The following TMEM120B variants were observed in gnomAD, a reference collection of about 807,000 sequenced individuals.
The protein encoded by TMEM120B is transmembrane protein 120B.
A neutral mutation model predicts 55.5 loss-of-function variants in TMEM120B; 31 were observed. The observed-to-expected ratio is 0.56, with a 90% CI of 0.42 to 0.75. TMEM120B has a LOEUF of 0.75. Ranked by LOEUF, TMEM120B falls within the 30% of genes least tolerant of loss-of-function variation. TMEM120B has a pLI of 0.00. For synonymous variants in TMEM120B, 203 were observed against 176.3 expected, an observed-to-expected ratio of 1.15 and a Z score of -1.20; for missense variants, 399 against 425.5, an observed-to-expected ratio of 0.94 and a Z score of 0.55.
intron 1 of TMEM120B, among the ~76,000 whole-genome samples, chr12:121,719,019 C>T (rs1403278027): frequency 6.6e-6 from 1 of 152,132 alleles, no homozygotes; most frequent in African/African-American, 2.4e-5. Context: ...AACAGAGCAT[C>T]CTTTCCCCCT....
chr12:121,771,658 AC>A, intron 8 of TMEM120B, 109 bp downstream of exon 8: 1 of 1,162,192 alleles, frequency 8.6e-7, no homozygotes, highest in Non-Finnish European at 1.3e-6. Context: ...TGGCAGGGAG[AC>A]CAGACTGGGG....
At chr12:121,730,273 G>GA (rs1894975147) in intron 1 of TMEM120B, among the ~76,000 whole-genome samples, 1 of 147,126 alleles carries the variant, frequency 6.8e-6, no homozygotes, top group Non-Finnish European at 1.5e-5. Flanking sequence ...AAAAAAAAAA[G>GA]AAGGAAATTC....
intron 1 of TMEM120B, among the ~76,000 whole-genome samples, chr12:121,718,535 T>C (rs1894742516): frequency 6.6e-6 from 1 of 152,028 alleles, no homozygotes; most frequent in Non-Finnish European, 1.5e-5. Context: ...AATGAATGAA[T>C]GACAACCCTG....
chr12:121,748,538 A>T, intron 3 of TMEM120B, 96 bp downstream of exon 3: 1 of 803,232 alleles, frequency 1.2e-6, no homozygotes, highest in Admixed American at 2.5e-5. Context: ...TGGTGCTCAG[A>T]TTGAAGGGGA....
intron 1 of TMEM120B, among the ~76,000 whole-genome samples, chr12:121,718,894 GTC>G (rs959305552): frequency 3.3e-5 from 5 of 151,912 alleles, no homozygotes; most frequent in African/African-American, 1.2e-4. Flanking sequence ...GTGTGTGGAT[GTC>G]TCTCTCTCTC....
chr12:121,758,041 C>T, intron 5 of TMEM120B: 1 of 412,948 alleles, frequency 2.4e-6, no homozygotes. Flanking sequence ...ATCGCTTGAG[C>T]CCAGGAGATT....
rs751392749 is a variant in TMEM120B, at chr12:121,781,064, C to G, written c.*5342C>G. The G allele has an allele frequency of 1.2e-6, 2 of 1,613,962 alleles. No homozygotes were observed. Among genetic ancestry groups the G allele is most frequent in the Admixed American group, 3.3e-5 (2 of 60,028 alleles). ...GCCGGGCCCAGATGTGGGGCCACCA[C>G]CCAGGAGGCCGGCCTCACCTTGATG... On this transcript the variant is annotated 3_prime_UTR_variant, in exon 12 of 12. Transcript: ENST00000449592.
At chr12:121,742,855 G>A (rs575922887) in intron 1 of TMEM120B, among the ~76,000 whole-genome samples, 22 of 152,334 alleles carry the variant, frequency 1.4e-4, no homozygotes, top group Non-Finnish European at 1.8e-4. Flanking sequence ...GATTACAGGC[G>A]TGAGCCAGCG....
intron 1 of TMEM120B, among the ~76,000 whole-genome samples, chr12:121,729,935 C>T (rs1005341654): frequency 3.9e-5 from 6 of 151,962 alleles, no homozygotes; most frequent in Admixed American, 1.3e-4. Context: ...AAATGTGGCT[C>T]GTCCATATAG....
chr12:121,779,066 C>T lies in TMEM120B; in HGVS notation c.*3344C>T. 1 of 175,928 alleles carries T rather than the reference C, an allele frequency of 5.7e-6. No individual in the cohort carries two copies. The highest frequency in any genetic ancestry group is 1.2e-5 in the Non-Finnish European group (1 of 81,164). The allele number at this position is 175,928 out of a possible 1,614,324, so 10.9% of individuals were successfully genotyped here. On this transcript the variant is annotated 3_prime_UTR_variant, in exon 12 of 12. Coordinates refer to ENST00000449592, the MANE Select transcript of TMEM120B (RefSeq NM_001080825.2). ...GAAGGAAGGAAGGAGCTGGAGGATA[C>T]AGTGGTGCCTATCTCGGGAGCCCAG...
At chr12:121,773,626 C>A (rs1874137083) in intron 9 of TMEM120B, 113 bp downstream of exon 9, 1 of 772,674 alleles carries the variant, frequency 1.3e-6, no homozygotes. Context: ...GGCCGCTGCC[C>A]TTTATCCGAA....
rs77853218 is a variant in TMEM120B at position 121,758,840 on chromosome 12, T to C, written c.462-2809T>C. The C allele has an allele frequency of 0.019, 16,645 of 860,956 alleles. 1,439 individuals carry two copies. The African/African-American group carries it at 0.2, about 10-fold the overall frequency. 53.3% of individuals were successfully genotyped at this position (860,956 alleles called of 1,614,324 possible). ...TGGAGGAGGACGGCCTAGCTCCACG[T>C]TGTGGTCACCATAGAGGAGGACGGC... On this transcript the variant is annotated intron_variant, in intron 5 of 11. Coordinates refer to ENST00000449592, the MANE Select transcript of TMEM120B (RefSeq NM_001080825.2).
intron 6 of TMEM120B, among the ~76,000 whole-genome samples, chr12:121,768,368 C>T (rs1873914446): frequency 6.6e-6 from 1 of 152,220 alleles, no homozygotes; most frequent in South Asian, 2.1e-4. Context: ...AACCTTGCCC[C>T]TCAGCATAAC....
Position 121,775,631 on chromosome 12 carries a change from TC to T in TMEM120B, c.931del (p.Leu311SerfsTer9), listed in dbSNP as rs759974622. On this transcript the variant is annotated frameshift_variant, in exon 12 of 12. Coordinates refer to ENST00000449592, the MANE Select transcript of TMEM120B (RefSeq NM_001080825.2). LOFTEE classifies it high-confidence loss of function. The surrounding 1 kb of genome is among the most constrained non-coding windows in gnomAD (Gnocchi z 4.3). ...EWQVFVLAFT[F>X]LILFLGNFLT... ...CAGGTGTTCGTACTGGCGTTCACCT[TC>T]CTCATCCTCTTCCTCGGCAACTTCC... is the stretch of plus-strand genomic sequence containing the variant. 2.4e-5 allele frequency: 38 copies of T among 1,613,834 alleles called. No individual in the cohort carries two copies. The highest frequency in any genetic ancestry group is 3.1e-5 in the Non-Finnish European group (37 of 1,179,944).
rs1413395058 is a variant in TMEM120B, at chr12:121,743,456, G to A, written c.70-173G>A. Among the ~76,000 whole-genome samples the A allele has an allele frequency of 5.3e-5, 8 of 151,760 alleles. 1 individual carries two copies. The highest frequency in any genetic ancestry group is 5.3e-4 in the Admixed American group (8 of 15,196). On this transcript the variant is annotated intron_variant, in intron 1 of 11. Transcript: ENST00000449592. ...ACCTGTAGTCCCAGCTACTTGGGAG[G>A]CTGAGGCAGGAGAATCGCTTGAACC...
At chr12:121,763,568 G>A (rs1366653953) in intron 6 of TMEM120B, among the ~76,000 whole-genome samples, 1 of 151,990 alleles carries the variant, frequency 6.6e-6, no homozygotes, top group Admixed American at 6.6e-5. Context: ...TCAGCCTCCC[G>A]AGTAGCTAGG....
At chr12:121,750,519 G>A in intron 4 of TMEM120B, 80 bp downstream of exon 4, 1 of 973,160 alleles carries the variant, frequency 1.0e-6, no homozygotes, top group Non-Finnish European at 1.5e-6. Flanking sequence ...ACCCCACACT[G>A]AGAACCCACA....
intron 6 of TMEM120B, among the ~76,000 whole-genome samples, chr12:121,767,317 C>T (rs1363984274): frequency 2.0e-5 from 3 of 152,184 alleles, no homozygotes; most frequent in East Asian, 1.9e-4. Flanking sequence ...CCCGCCACCA[C>T]GCCCGGCTAA....
At chr12:121,750,300 A>T in intron 3 of TMEM120B, 80 bp from the exon 4 acceptor site, 1 of 1,343,324 alleles carries the variant, frequency 7.4e-7, no homozygotes, top group South Asian at 1.2e-5. Flanking sequence ...GGATGTGCTC[A>T]TTAAGTGTGT....
Sources: gnomAD v4.1 joint callset for allele counts (sites outside exome capture counted in the v4.1 genomes callset) on GRCh38, gnomAD v4.1.1 for gene constraint, Gnocchi (gnomAD v3.1) non-coding constraint, MANE v1.5 for transcripts, NCBI Gene and HGNC (gene_info 2026-07-23, HGNC 2026-07-21) for gene names.